CNTNAP5: variants seen among roughly 807,000 people sequenced by gnomAD.
CNTNAP5 encodes contactin associated protein family member 5.
Under a neutral mutation model 150.2 loss-of-function variants are expected in CNTNAP5, and 72 were observed. That is an observed-to-expected ratio of 0.48 (90% CI 0.40 to 0.58). The LOEUF is 0.58. Among genes scored for constraint, CNTNAP5 ranks in the 20% least tolerant of loss-of-function variants. The probability of loss-of-function intolerance (pLI) is 0.00; values close to 1 mark genes in which losing one functional copy is unlikely to be tolerated. For missense variants in CNTNAP5, 1,636 were observed against 1,626.2 expected, an observed-to-expected ratio of 1.01 and a Z score of -0.10; for synonymous variants, 672 against 619.8, an observed-to-expected ratio of 1.08 and a Z score of -1.25.
At chr2:124,096,332 T>A (rs1240554390) in intron 1 of CNTNAP5, among the ~76,000 whole-genome samples, 2 of 152,206 alleles carry the variant, frequency 1.3e-5, no homozygotes, top group African/African-American at 4.8e-5. Context: ...GCTGAAAGGA[T>A]TATAGAAAAA....
intron 3 of CNTNAP5, among the ~76,000 whole-genome samples, chr2:124,309,394 G>C (rs1026828635): frequency 5.3e-5 from 8 of 152,172 alleles, no homozygotes; most frequent in African/African-American, 1.9e-4. Context: ...AAGTAATATT[G>C]AGGGTAAAAT....
intron 13 of CNTNAP5, among the ~76,000 whole-genome samples, chr2:124,655,651 GTT>G (rs977965660): frequency 7.9e-5 from 12 of 151,844 alleles, no homozygotes; most frequent in Non-Finnish European, 1.5e-4. Context: ...TAATCCCAGA[GTT>G]TTGAGACGCC....
In CNTNAP5 at chr2:124,267,144, G is replaced by A. The variant is rs181740166; in HGVS notation, c.381+24751G>A. 4.1e-3 allele frequency among the ~76,000 whole-genome samples: 620 copies of A among 152,154 alleles called. 6 individuals carry two copies. The highest frequency in any genetic ancestry group is 0.033 in the South Asian group (157 of 4,804). The stretch of plus-strand genomic sequence containing the variant: ...CCTGAATGGAATATGCAGGCTGCAC[G>A]GGGAGGAGTGATACCTGATGGGGTG... On this transcript the variant is annotated intron_variant, in intron 3 of 23. Transcript: ENST00000682447.
chr2:124,195,555 C>T (rs780288160), intron 1 of CNTNAP5, among the ~76,000 whole-genome samples: 15 of 152,192 alleles, frequency 9.9e-5, no homozygotes, highest in Admixed American at 2.6e-4. Flanking sequence ...CTGGGTTTGG[C>T]CCCTACTGTA....
At chr2:124,193,650 T>C (rs1460708520) in intron 1 of CNTNAP5, among the ~76,000 whole-genome samples, 1 of 152,210 alleles carries the variant, frequency 6.6e-6, no homozygotes, top group African/African-American at 2.4e-5. Flanking sequence ...CACTAACGTT[T>C]CACTTGGAAA....
chr2:124,799,233 C>A (rs758154513), intron 19 of CNTNAP5, among the ~76,000 whole-genome samples: 11 of 151,934 alleles, frequency 7.2e-5, no homozygotes, highest in Non-Finnish European at 1.5e-4. Context: ...AAATGTAATA[C>A]GAGAAGTTGA....
chr2:124,413,394 G>T (rs368114708), intron 3 of CNTNAP5, among the ~76,000 whole-genome samples: 11 of 146,358 alleles, frequency 7.5e-5, no homozygotes, highest in East Asian at 2.0e-4. Flanking sequence ...TATACCCAAA[G>T]GACTATAAAT....
At position 124,902,896 on chromosome 2, in the gene CNTNAP5, G is replaced by A; in HGVS notation, c.3451G>A (p.Asp1151Asn). The change falls in exon 22 of 24, where the codon GAT (aspartate) becomes AAT (asparagine). Residue 1151 changes from aspartate (D) to asparagine (N), a missense_variant. Asp to Asn is a conservative substitution (Grantham distance 23). Transcript: ENST00000682447. ...TTACATTGCAGAGAATCTTGGTTTG[G>A]ATTCTGAAGTTGCTAAAGCAAATGC... ...LGKVTENLGL[D>N]SEVAKANAMG... 1 of 1,608,344 alleles carries A rather than the reference G, an allele frequency of 6.2e-7. No homozygotes were observed. Among genetic ancestry groups the A allele is most frequent in the Middle Eastern group, 1.7e-4 (1 of 6,020 alleles).
At chr2:124,026,783 T>G (rs1236881110) in intron 1 of CNTNAP5, among the ~76,000 whole-genome samples, 1 of 152,256 alleles carries the variant, frequency 6.6e-6, no homozygotes, top group Non-Finnish European at 1.5e-5. Flanking sequence ...TTTTAGTTTT[T>G]GTAATTTGCA....
intron 10 of CNTNAP5, among the ~76,000 whole-genome samples, chr2:124,557,685 T>G (rs958336341): frequency 4.3e-4 from 65 of 151,948 alleles, no homozygotes; most frequent in African/African-American, 1.5e-3. Flanking sequence ...TAATACACAC[T>G]AAAGACAAAT....
chr2:124,535,628 T>G (rs754110581), intron 10 of CNTNAP5, among the ~76,000 whole-genome samples: 8 of 122,956 alleles, frequency 6.5e-5, no homozygotes, highest in Non-Finnish European at 1.1e-4. Flanking sequence ...AAAAAAAAAA[T>G]TAGCTGGGTG....
At chr2:124,873,776 A>G (rs1360032675) in intron 21 of CNTNAP5, among the ~76,000 whole-genome samples, 4 of 152,118 alleles carry the variant, frequency 2.6e-5, no homozygotes, top group Non-Finnish European at 4.4e-5. Flanking sequence ...GCTTTGTAGG[A>G]CATTTCCAAC....
At chr2:124,504,672 C>A in intron 8 of CNTNAP5, 116 bp downstream of exon 8, 39 of 779,396 alleles carry the variant, frequency 5.0e-5, no homozygotes, top group Non-Finnish European at 6.9e-5. Flanking sequence ...GCCCAGTATT[C>A]ACAAATGTAC....
At chr2:124,284,387 GGCTAGGTTGGCCAGAA>G (rs1365855352) in intron 3 of CNTNAP5, among the ~76,000 whole-genome samples, 3 of 151,998 alleles carry the variant, frequency 2.0e-5, no homozygotes, top group African/African-American at 7.2e-5. Flanking sequence ...CCTAGGGAGG[GGCTAGGTTGGCCAGAA>G]GCTATTTGGA....
chr2:124,415,351 T>G (rs1691890220), intron 3 of CNTNAP5, among the ~76,000 whole-genome samples: 1 of 152,218 alleles, frequency 6.6e-6, no homozygotes, highest in African/African-American at 2.4e-5. Flanking sequence ...ATAAGCCACT[T>G]TGTGATACAT....
chr2:124,562,306 T>C (rs998878965), intron 10 of CNTNAP5, among the ~76,000 whole-genome samples: 78 of 152,354 alleles, frequency 5.1e-4, no homozygotes, highest in African/African-American at 1.8e-3. Context: ...TAATCATGTT[T>C]GTCCTGTTAT....
intron 7 of CNTNAP5, among the ~76,000 whole-genome samples, chr2:124,481,115 G>A (rs1166332519): frequency 6.6e-6 from 1 of 152,126 alleles, no homozygotes; most frequent in Non-Finnish European, 1.5e-5. Flanking sequence ...GATCGGGTTC[G>A]GGTGAGGGCT....
At chr2:124,867,072 T>A (rs1403962956) in intron 20 of CNTNAP5, among the ~76,000 whole-genome samples, 1 of 152,158 alleles carries the variant, frequency 6.6e-6, no homozygotes, top group East Asian at 1.9e-4. Context: ...GTGGGTCAGA[T>A]CTGATACCCT....
At chr2:124,664,168 A>C (rs1046278627) in intron 13 of CNTNAP5, among the ~76,000 whole-genome samples, 1 of 152,010 alleles carries the variant, frequency 6.6e-6, no homozygotes, top group Non-Finnish European at 1.5e-5. Flanking sequence ...TATGAGACAC[A>C]AAAAGGTGAC....
Sources: gnomAD v4.1 joint callset for allele counts (sites outside exome capture counted in the v4.1 genomes callset) on GRCh38, gnomAD v4.1.1 for gene constraint, MANE v1.5 for transcripts, NCBI Gene and HGNC (gene_info 2026-07-23, HGNC 2026-07-21) for gene names.